The following CFAP263 variants were observed in gnomAD, a reference collection of about 807,000 sequenced individuals.
CFAP263 encodes cilia and flagella associated protein 263.
chr16:58,259,085 A>T, the CFAP263 span, among the ~76,000 whole-genome samples: 5 of 152,156 alleles, frequency 3.3e-5, no homozygotes, highest in Non-Finnish European at 7.4e-5. Flanking sequence ...ACAGTACCTC[A>T]GATTGATCTC....
At chr16:58,281,747 A>T in the CFAP263 span, 5 of 152,578 alleles carry the variant, frequency 3.3e-5, no homozygotes, top group South Asian at 4.1e-4. Flanking sequence ...AACAGGAAAC[A>T]ATCTGAACAG....
chr16:58,262,331 C>T, the CFAP263 span: 3 of 1,510,692 alleles, frequency 2.0e-6, no homozygotes, highest in Non-Finnish European at 2.7e-6. Context: ...GTGAGCCATA[C>T]ATTCAGAATC....
the CFAP263 span, among the ~76,000 whole-genome samples, chr16:58,274,770 C>T: frequency 1.3e-5 from 2 of 152,198 alleles, no homozygotes; most frequent in African/African-American, 4.8e-5. Flanking sequence ...TTCTTTATAG[C>T]AGTGTGAAAA....
chr16:58,267,177 C>T, the CFAP263 span, among the ~76,000 whole-genome samples: 4 of 152,108 alleles, frequency 2.6e-5, no homozygotes, highest in African/African-American at 9.7e-5. Context: ...GGTGACTGGA[C>T]CCAAGTTTAG....
the CFAP263 span, among the ~76,000 whole-genome samples, chr16:58,265,380 G>A: frequency 6.6e-6 from 1 of 152,204 alleles, no homozygotes; most frequent in Non-Finnish European, 1.5e-5. Context: ...AGCATGAGGA[G>A]AAATGGCTGG....
chr16:58,263,849 C>G, the CFAP263 span, among the ~76,000 whole-genome samples: 3 of 152,084 alleles, frequency 2.0e-5, no homozygotes, highest in African/African-American at 7.2e-5. Flanking sequence ...CGTGGTGGTG[C>G]ACACCTGTAA....
At chr16:58,251,550 C>A in the CFAP263 span, among the ~76,000 whole-genome samples, 10 of 152,258 alleles carry the variant, frequency 6.6e-5, no homozygotes, top group African/African-American at 2.4e-4. Context: ...TGCCACCACA[C>A]CCAGCTAATT....
the CFAP263 span, chr16:58,250,119 C>T: frequency 3.8e-6 from 6 of 1,559,802 alleles, no homozygotes; most frequent in South Asian, 1.2e-5. Context: ...AGCTCAGGTA[C>T]CGCCGCCCGC....
chr16:58,266,970 G>A, the CFAP263 span, among the ~76,000 whole-genome samples: 31 of 152,276 alleles, frequency 2.0e-4, no homozygotes, highest in Middle Eastern at 3.4e-3. Flanking sequence ...TGGGGAAATG[G>A]TTTTACCTCC....
At chr16:58,255,081 T>G in the CFAP263 span, among the ~76,000 whole-genome samples, 21,923 of 152,052 alleles carry the variant, frequency 0.14, 2,088 homozygotes, top group East Asian at 0.33. Context: ...CTGCAGGCTG[T>G]GAAAAGAGAG....
chr16:58,280,588 A>G, the CFAP263 span: 1 of 1,614,174 alleles, frequency 6.2e-7, no homozygotes, highest in East Asian at 2.2e-5. Flanking sequence ...GAGTGAGGAC[A>G]GGGGAGGGCC....
the CFAP263 span, among the ~76,000 whole-genome samples, chr16:58,255,823 A>T: frequency 6.6e-6 from 1 of 151,856 alleles, no homozygotes; most frequent in South Asian, 2.1e-4. Context: ...TCAGCCTCCC[A>T]AAGTGCTGGG....
the CFAP263 span, among the ~76,000 whole-genome samples, chr16:58,255,357 A>G: frequency 3.3e-5 from 5 of 152,170 alleles, no homozygotes; most frequent in Admixed American, 3.3e-4. Flanking sequence ...CTGGCAGCCA[A>G]TTGGATGGTG....
the CFAP263 span, chr16:58,283,701 A>G: frequency 6.6e-6 from 1 of 152,214 alleles, no homozygotes; most frequent in Non-Finnish European, 1.5e-5. Context: ...AGAAATTGTT[A>G]AGATCCCCCA....
chr16:58,278,630 T>C, the CFAP263 span: 164 of 1,614,106 alleles, frequency 1.0e-4, no homozygotes, highest in African/African-American at 1.9e-3. Flanking sequence ...AAAGTGGAGA[T>C]AGCAGAGGTG....
At chr16:58,258,176 AT>A in the CFAP263 span, among the ~76,000 whole-genome samples, 9 of 151,132 alleles carry the variant, frequency 6.0e-5, no homozygotes, top group Middle Eastern at 3.4e-3. Context: ...TATGGATTCT[AT>A]TTTTTTGAAG....
the CFAP263 span, chr16:58,254,101 T>G: frequency 6.2e-7 from 1 of 1,614,168 alleles, no homozygotes; most frequent in East Asian, 2.2e-5. Context: ...GTTGCGGACA[T>G]GAAGGATGAC....
At chr16:58,267,299 C>T in the CFAP263 span, among the ~76,000 whole-genome samples, 1 of 152,124 alleles carries the variant, frequency 6.6e-6, no homozygotes, top group Non-Finnish European at 1.5e-5. Flanking sequence ...CTCCAAGGTC[C>T]TCTCCTCCCC....
chr16:58,277,890 G>A, the CFAP263 span, among the ~76,000 whole-genome samples: 1,548 of 152,288 alleles, frequency 0.01, 20 homozygotes, highest in African/African-American at 0.035. Flanking sequence ...CATAGAGACA[G>A]AAAGTGGAAT....
Sources: allele counts gnomAD v4.1 joint callset (sites outside exome capture counted in the v4.1 genomes callset), GRCh38; gene constraint gnomAD v4.1.1; transcripts MANE v1.5; gene names NCBI Gene and HGNC (gene_info 2026-07-23, HGNC 2026-07-21).